The following LAMA2 variants were observed in gnomAD, a reference collection of about 807,000 sequenced individuals.
LAMA2 encodes the protein laminin subunit alpha-2.
Under a neutral mutation model 364.8 loss-of-function variants are expected in LAMA2, and 269 were observed. The observed-to-expected ratio is 0.74, with a 90% CI of 0.67 to 0.82. LAMA2 has a LOEUF of 0.82. Ranked by LOEUF, LAMA2 falls within the 40% of genes least tolerant of loss-of-function variation. The pLI, the probability that LAMA2 is intolerant of heterozygous loss-of-function variation, is 0.00. For synonymous variants in LAMA2, 1,379 were observed against 1,370.6 expected, an observed-to-expected ratio of 1.01 and a Z score of -0.14; for missense variants, 3,807 against 3,873.2, an observed-to-expected ratio of 0.98 and a Z score of 0.45.
In LAMA2 at chr6:129,267,114, G is replaced by C. The variant is rs192317605; in HGVS notation, c.2217G>C (p.Trp739Cys). ...CCTTATCTTTCTCTCAGTCTTGTTGGCCTAGGCACAGGCGAGTTAACGGCA... is the reference window on the plus strand; with the variant it reads ...CCTTATCTTTCTCTCAGTCTTGTTGCCCTAGGCACAGGCGAGTTAACGGCA... ...GYTGSSCESC[W>C]PRHRRVNGTI... is the part of the protein sequence containing the mutation. The change falls in exon 16 of 65, where the codon TGG (tryptophan) becomes TGC (cysteine). Residue 739 changes from tryptophan to cysteine, a missense_variant. By Grantham distance (215) the Trp-to-Cys change is radical (BLOSUM62 -2). Coordinates refer to ENST00000421865, the MANE Select transcript of LAMA2 (RefSeq NM_000426.4). 1 of 1,608,450 alleles carries C rather than the reference G, an allele frequency of 6.2e-7. No homozygotes were observed.
chr6:129,422,839 A>G (rs566254593), intron 40 of LAMA2, among the ~76,000 whole-genome samples: 85 of 152,142 alleles, frequency 5.6e-4, no homozygotes, highest in Non-Finnish European at 1.1e-3. Context: ...CTACGAGGCC[A>G]GTATTACTCT....
At chr6:129,306,313 C>CT (rs11315443) in intron 22 of LAMA2, among the ~76,000 whole-genome samples, 1,602 of 70,234 alleles carry the variant, frequency 0.023, 33 homozygotes, top group African/African-American at 0.057. Context: ...TAATTTTTTC[C>CT]TTTTTTTTTT....
chr6:129,047,107 A>G (rs1197281398), intron 1 of LAMA2, among the ~76,000 whole-genome samples: 1 of 152,204 alleles, frequency 6.6e-6, no homozygotes, highest in Non-Finnish European at 1.5e-5. Context: ...CGTGGAGACC[A>G]TCTAATTATT....
At chr6:129,205,787 G>T (rs150671411) in intron 12 of LAMA2, among the ~76,000 whole-genome samples, 3 of 152,090 alleles carry the variant, frequency 2.0e-5, no homozygotes, top group African/African-American at 7.3e-5. Context: ...CACTTTTGGT[G>T]GTTGAGACAG....
At chr6:129,489,080 T>C (rs942375794) in intron 56 of LAMA2, among the ~76,000 whole-genome samples, 2 of 152,228 alleles carry the variant, frequency 1.3e-5, no homozygotes, top group African/African-American at 4.8e-5. Flanking sequence ...TATTCTTACA[T>C]TTTTGTGTGA....
chr6:129,248,501 G>A (rs189997395), intron 12 of LAMA2, among the ~76,000 whole-genome samples: 4 of 152,206 alleles, frequency 2.6e-5, no homozygotes, highest in Admixed American at 2.0e-4. Flanking sequence ...CATATGTGGT[G>A]ATTTCATATA....
chr6:128,953,262 C>A (rs1780944838), intron 1 of LAMA2, among the ~76,000 whole-genome samples: 1 of 152,104 alleles, frequency 6.6e-6, no homozygotes, highest in Non-Finnish European at 1.5e-5. Context: ...GAACCTGTTT[C>A]CTGGCGTTAC....
At position 129,100,098 on chromosome 6, in the gene LAMA2, C is replaced by T. The variant is rs181798030; in HGVS notation, c.639+1683C>T. 3.0e-3 allele frequency among the ~76,000 whole-genome samples: 452 copies of T among 152,264 alleles called. 3 individuals carry two copies. Among genetic ancestry groups the T allele is most frequent in the African/African-American group, 0.01 (428 of 41,548 alleles). Reference sequence around the variant, plus strand: ...TTATTAAGCAATATAAAATACACTTCGGCAGGTATGTAACATGCGTGTCAC... The same window carrying T: ...TTATTAAGCAATATAAAATACACTTTGGCAGGTATGTAACATGCGTGTCAC... On this transcript the variant is annotated intron_variant, in intron 4 of 64. Transcript: ENST00000421865.
At chr6:129,372,659 T>C (rs1392671945) in intron 34 of LAMA2, among the ~76,000 whole-genome samples, 2 of 152,220 alleles carry the variant, frequency 1.3e-5, no homozygotes, top group African/African-American at 4.8e-5. Context: ...TTTGGGTGAA[T>C]ATAAAGGAGC....
intron 1 of LAMA2, among the ~76,000 whole-genome samples, chr6:128,954,150 A>G (rs78472017): frequency 6.0e-4 from 91 of 152,230 alleles, no homozygotes; most frequent in African/African-American, 2.0e-3. Context: ...TGTGGAAGAA[A>G]ATGTTACTTT....
rs554875794 is a variant in LAMA2, at chr6:129,514,207, CTTTAA to C, written c.8989-162_8989-158del. 2.9e-3 allele frequency among the ~76,000 whole-genome samples: 436 copies of C among 152,290 alleles called. 2 individuals are homozygous for C. The highest frequency in any genetic ancestry group is 4.6e-3 in the Non-Finnish European group (311 of 68,022). On this transcript the variant is annotated intron_variant, in intron 63 of 64. Transcript: ENST00000421865. ...GTGGCTCCTGGTGATTAGATTTATACTTTAATTTGTCAAGTTTTAAAATTTTTTTC... is the reference window on the plus strand; with the variant it reads ...GTGGCTCCTGGTGATTAGATTTATACTTTGTCAAGTTTTAAAATTTTTTTC...
At chr6:129,450,986 A>G (rs891731544) in intron 45 of LAMA2, among the ~76,000 whole-genome samples, 8 of 152,228 alleles carry the variant, frequency 5.3e-5, no homozygotes, top group Admixed American at 3.9e-4. Flanking sequence ...TATATCTGAC[A>G]CCCTTTCCTG....
At chr6:128,883,560 A>G (rs1467180216) in intron 1 of LAMA2, among the ~76,000 whole-genome samples, 1 of 151,700 alleles carries the variant, frequency 6.6e-6, no homozygotes, top group Non-Finnish European at 1.5e-5. Flanking sequence ...TAAGTCCTGC[A>G]AAAGGAACGG....
chr6:129,063,407 C>T (rs1292028145), intron 3 of LAMA2, among the ~76,000 whole-genome samples: 1 of 152,120 alleles, frequency 6.6e-6, no homozygotes, highest in Non-Finnish European at 1.5e-5. Flanking sequence ...CAGAATATGT[C>T]ATTATGTCTG....
At chr6:129,503,761 C>T (rs1221673976) in intron 60 of LAMA2, among the ~76,000 whole-genome samples, 1 of 152,200 alleles carries the variant, frequency 6.6e-6, no homozygotes, top group Admixed American at 6.5e-5. Context: ...AGACTCCCCA[C>T]CTAACCACAC....
intron 1 of LAMA2, among the ~76,000 whole-genome samples, chr6:129,045,138 G>A (rs892985471): frequency 6.6e-5 from 10 of 152,118 alleles, no homozygotes; most frequent in African/African-American, 2.4e-4. Context: ...CAGCAAAATA[G>A]CAATGAAATT....
chr6:128,953,835 A>C (rs1429811993), intron 1 of LAMA2, among the ~76,000 whole-genome samples: 1 of 152,138 alleles, frequency 6.6e-6, no homozygotes, highest in African/African-American at 2.4e-5. Flanking sequence ...TTTTAAAAGA[A>C]GGTAGTTTCT....
At chr6:129,490,111 G>T (rs913383053) in intron 56 of LAMA2, among the ~76,000 whole-genome samples, 23 of 152,168 alleles carry the variant, frequency 1.5e-4, no homozygotes, top group African/African-American at 5.3e-4. Flanking sequence ...CTAAAGAAAT[G>T]ATCTAGATTT....
intron 1 of LAMA2, among the ~76,000 whole-genome samples, chr6:128,970,291 T>G (rs1782109381): frequency 6.6e-6 from 1 of 152,200 alleles, no homozygotes. Flanking sequence ...TTAAAAAAAT[T>G]TGCTTGAATA....
Sources: allele counts gnomAD v4.1 joint callset (sites outside exome capture counted in the v4.1 genomes callset), GRCh38; gene constraint gnomAD v4.1.1; transcripts MANE v1.5; gene names NCBI Gene and HGNC (gene_info 2026-07-23, HGNC 2026-07-21).